Variants in OPRD1 observed in about 807,000 individuals in gnomAD.
OPRD1 encodes delta-type opioid receptor.
A neutral mutation model predicts 17.5 loss-of-function variants in OPRD1; 19 were observed. That is an observed-to-expected ratio of 1.09 (90% CI 0.76 to 1.60). The LOEUF (loss-of-function observed/expected upper bound fraction) is 1.60, where lower values mean the gene tolerates loss of function less well. Among genes scored for constraint, OPRD1 ranks in the 40% most tolerant of loss-of-function variants. The probability of loss-of-function intolerance (pLI) is 0.00; values close to 1 mark genes in which losing one functional copy is unlikely to be tolerated. For missense variants in OPRD1, 483 were observed against 547.2 expected (o/e 0.88, Z 1.17); for synonymous variants, 256 against 240.9 (o/e 1.06, Z -0.58).
At chr1:28,857,377 C>T (rs1284625722) in intron 1 of OPRD1, among the ~76,000 whole-genome samples, 2 of 152,136 alleles carry the variant, frequency 1.3e-5, no homozygotes, top group African/African-American at 2.4e-5. Flanking sequence ...GATTAGAACC[C>T]AGATTTGCTT....
intron 1 of OPRD1, among the ~76,000 whole-genome samples, chr1:28,837,670 CAAAA>C (rs1173616702): frequency 6.8e-6 from 1 of 147,140 alleles, no homozygotes; most frequent in African/African-American, 2.5e-5. Context: ...ACAAAAAAAA[CAAAA>C]AAAAACCCAA....
intron 1 of OPRD1, among the ~76,000 whole-genome samples, chr1:28,833,851 G>T (rs575527302): frequency 6.6e-6 from 1 of 152,316 alleles, no homozygotes; most frequent in South Asian, 2.1e-4. Flanking sequence ...TAAATGCAAT[G>T]ATATAAATCA....
intron 1 of OPRD1, among the ~76,000 whole-genome samples, chr1:28,826,595 A>C (rs1164072067): frequency 6.6e-6 from 1 of 152,244 alleles, no homozygotes; most frequent in African/African-American, 2.4e-5. Context: ...AAAAATATAC[A>C]TACTTCAATT....
intron 1 of OPRD1, among the ~76,000 whole-genome samples, chr1:28,855,081 G>A (rs1038344395): frequency 1.3e-5 from 2 of 152,202 alleles, no homozygotes; most frequent in African/African-American, 2.4e-5. Context: ...GAAGATGAAT[G>A]TAAGTCAGGA....
intron 1 of OPRD1, among the ~76,000 whole-genome samples, chr1:28,836,933 TG>T (rs1182796108): frequency 6.6e-6 from 1 of 152,100 alleles, no homozygotes; most frequent in African/African-American, 2.4e-5. Flanking sequence ...GGGGGCAGGG[TG>T]GGGGAACGGG....
At position 28,866,012 on chromosome 1, in the gene OPRD1, C is replaced by T. The variant is rs191166228; in HGVS notation, c.*2729C>T. ...GCCCCTTCTGATATGTAAATCTGTC[C>T]TGAGGTCAGCAGGGCCCGGGTCCGG... On this transcript the variant is annotated 3_prime_UTR_variant, in exon 3 of 3. Coordinates refer to ENST00000234961, the MANE Select transcript of OPRD1 (RefSeq NM_000911.4). 12 of 152,286 alleles carry T rather than the reference C, an allele frequency of 7.9e-5. No homozygotes were observed. The East Asian group carries it at 2.3e-3, about 29-fold the overall frequency. The allele number at this position is 152,286 out of a possible 1,614,324, so 9.4% of individuals were successfully genotyped here. A position where few individuals can be genotyped will look rare whatever the true frequency, so the allele number is the denominator to read the frequency against.
At chr1:28,850,711 AG>A (rs1482875407) in intron 1 of OPRD1, among the ~76,000 whole-genome samples, 1 of 151,414 alleles carries the variant, frequency 6.6e-6, no homozygotes, top group African/African-American at 2.4e-5. Context: ...TGAGCCTAGG[AG>A]GTTGAGGCTG....
chr1:28,847,019 GTCCCCTTTCCTGTCCCCTTTCCTT>G (rs1190446073), intron 1 of OPRD1, among the ~76,000 whole-genome samples: 5 of 69,704 alleles, frequency 7.2e-5, no homozygotes, highest in East Asian at 1.5e-3. Context: ...TTCCTTTCCT[GTCCCCTTTCCTGTCCCCTTTCCTT>G]TCCCCTTTCC....
chr1:28,848,652 A>G (rs1448187278), intron 1 of OPRD1, among the ~76,000 whole-genome samples: 1 of 152,252 alleles, frequency 6.6e-6, no homozygotes, highest in African/African-American at 2.4e-5. Flanking sequence ...ACCCCAGTTT[A>G]TAGTAAGTTC....
At chr1:28,858,031 G>T (rs1387791585) in intron 1 of OPRD1, among the ~76,000 whole-genome samples, 2 of 151,604 alleles carry the variant, frequency 1.3e-5, no homozygotes, top group Non-Finnish European at 2.9e-5. Context: ...TCTGGACCTC[G>T]TGATCCGCCC....
At chr1:28,836,115 C>T in intron 1 of OPRD1, among the ~76,000 whole-genome samples, 1 of 152,220 alleles carries the variant, frequency 6.6e-6, no homozygotes, top group South Asian at 2.1e-4. Context: ...GCAATTTTAA[C>T]AGACATTGCT....
At chr1:28,837,572 C>T (rs2088863002) in intron 1 of OPRD1, among the ~76,000 whole-genome samples, 1 of 151,810 alleles carries the variant, frequency 6.6e-6, no homozygotes, top group Non-Finnish European at 1.5e-5. Context: ...CACTTGAACC[C>T]AGGAGGCGGA....
chr1:28,855,185 G>A (rs1227668608), intron 1 of OPRD1, among the ~76,000 whole-genome samples: 1 of 152,130 alleles, frequency 6.6e-6, no homozygotes, highest in Non-Finnish European at 1.5e-5. Flanking sequence ...GTCAGGGAGG[G>A]CCTCCCTGAG....
chr1:28,821,647 C>T (rs2088712950), intron 1 of OPRD1, among the ~76,000 whole-genome samples: 2 of 152,166 alleles, frequency 1.3e-5, no homozygotes, highest in Non-Finnish European at 2.9e-5. Context: ...TAAGCATGTG[C>T]TCTTCTAGTT....
chr1:28,835,085 TCAGA>T (rs1344650860), intron 1 of OPRD1, among the ~76,000 whole-genome samples: 1 of 152,102 alleles, frequency 6.6e-6, no homozygotes, highest in Admixed American at 6.5e-5. Context: ...GGTCCAACAC[TCAGA>T]CAGCATGTCA....
At chr1:28,849,595 A>G (rs2088981759) in intron 1 of OPRD1, among the ~76,000 whole-genome samples, 1 of 152,212 alleles carries the variant, frequency 6.6e-6, no homozygotes, top group Admixed American at 6.5e-5. Flanking sequence ...TTAGTGCTTC[A>G]TTTAAAAATC....
intron 1 of OPRD1, among the ~76,000 whole-genome samples, chr1:28,819,768 G>A (rs867387903): frequency 6.6e-6 from 1 of 152,174 alleles, no homozygotes; most frequent in African/African-American, 2.4e-5. Context: ...TGGCGGAATG[G>A]AGGCGAGTGC....
intron 1 of OPRD1, among the ~76,000 whole-genome samples, chr1:28,851,357 T>C (rs1320744178): frequency 6.6e-6 from 1 of 152,090 alleles, no homozygotes; most frequent in Non-Finnish European, 1.5e-5. Context: ...GTCAAAGAAA[T>C]CAGAAATTAG....
intron 1 of OPRD1, among the ~76,000 whole-genome samples, chr1:28,856,846 T>C (rs2089062129): frequency 6.6e-6 from 1 of 151,994 alleles, no homozygotes; most frequent in South Asian, 2.1e-4. Context: ...ATGCCTTGGG[T>C]TGGATGTGTG....
Sources: allele counts gnomAD v4.1 joint callset (sites outside exome capture counted in the v4.1 genomes callset), GRCh38; gene constraint gnomAD v4.1.1; transcripts MANE v1.5; gene names NCBI Gene and HGNC (gene_info 2026-07-23, HGNC 2026-07-21).